The following CNTN5 variants were observed in gnomAD, a reference collection of about 807,000 sequenced individuals.
CNTN5 encodes the protein contactin 5.
CNTN5 carries 77 observed loss-of-function variants against 129.1 expected under a neutral mutation model. The ratio of observed to expected loss-of-function variants is 0.60; its 90% CI spans 0.50 to 0.72. The LOEUF (loss-of-function observed/expected upper bound fraction) is 0.72. Among genes scored for constraint, CNTN5 ranks in the 30% least tolerant of loss-of-function variants. CNTN5 has a pLI of 0.00. For missense variants in CNTN5, 1,478 were observed against 1,328.8 expected (o/e 1.11, Z -1.75); for synonymous variants, 509 against 465.6 (o/e 1.09, Z -1.20).
At chr11:100,213,182 C>G (rs1169919356) in intron 15 of CNTN5, among the ~76,000 whole-genome samples, 3 of 152,062 alleles carry the variant, frequency 2.0e-5, no homozygotes, top group Non-Finnish European at 4.4e-5. Context: ...CCAAATTTCA[C>G]ATACAATGAA....
chr11:100,212,890 T>A (rs1178615935), intron 15 of CNTN5, among the ~76,000 whole-genome samples: 1 of 152,120 alleles, frequency 6.6e-6, no homozygotes, highest in Non-Finnish European at 1.5e-5. Context: ...CTCATAAATA[T>A]TGCAAACTTT....
intron 21 of CNTN5, among the ~76,000 whole-genome samples, chr11:100,322,301 C>A (rs1951711655): frequency 6.6e-6 from 1 of 152,000 alleles, no homozygotes; most frequent in Admixed American, 6.5e-5. Flanking sequence ...CAGCTCACTG[C>A]AAGCTCCGCC....
At chr11:99,719,409 T>C (rs760940312) in intron 3 of CNTN5, among the ~76,000 whole-genome samples, 1 of 152,080 alleles carries the variant, frequency 6.6e-6, no homozygotes, top group Non-Finnish European at 1.5e-5. Context: ...GATATATGTG[T>C]AAAAATGTTT....
chr11:99,896,268 C>T (rs1463342439), intron 6 of CNTN5, among the ~76,000 whole-genome samples: 1 of 152,176 alleles, frequency 6.6e-6, no homozygotes, highest in Non-Finnish European at 1.5e-5. Context: ...CCTTTCGGCC[C>T]ATAACACACT....
Position 99,624,592 on chromosome 11 carries a change from A to G in CNTN5, c.55+68323A>G, listed in dbSNP as rs772014787. ...CCAGAACAAGTTTTTGCTTTAGTCA[A>G]TTTAGTTGACTAAAGTTCATTTTAG... On this transcript the variant is annotated intron_variant, in intron 3 of 24. Transcript: ENST00000524871. Among the ~76,000 whole-genome samples, 3 of 152,140 alleles carry G rather than the reference A, an allele frequency of 2.0e-5. No homozygotes were observed. The South Asian group carries it at 6.2e-4, about 32-fold the overall frequency.
At chr11:99,859,545 C>G (rs535273516) in intron 6 of CNTN5, among the ~76,000 whole-genome samples, 3 of 152,132 alleles carry the variant, frequency 2.0e-5, no homozygotes, top group African/African-American at 4.8e-5. Flanking sequence ...TTTTTGCCCT[C>G]TTTGTATCCA....
At chr11:99,853,988 A>G (rs542213353) in intron 6 of CNTN5, among the ~76,000 whole-genome samples, 6 of 152,152 alleles carry the variant, frequency 3.9e-5, no homozygotes, top group Non-Finnish European at 8.8e-5. Context: ...CATACTTTGC[A>G]TTACATTTTT....
intron 9 of CNTN5, among the ~76,000 whole-genome samples, chr11:100,039,999 C>T (rs1040014320): frequency 3.3e-5 from 5 of 152,178 alleles, no homozygotes; most frequent in East Asian, 1.9e-4. Context: ...CAGCTTTGTT[C>T]TGTTGCTGGT....
chr11:99,300,018 T>C (rs1040299943), intron 1 of CNTN5, among the ~76,000 whole-genome samples: 1 of 152,198 alleles, frequency 6.6e-6, no homozygotes, highest in Non-Finnish European at 1.5e-5. Flanking sequence ...ACCAACAGTG[T>C]ATAAGCATTG....
At chr11:100,268,418 G>A (rs921288897) in intron 17 of CNTN5, among the ~76,000 whole-genome samples, 1 of 152,112 alleles carries the variant, frequency 6.6e-6, no homozygotes, top group Admixed American at 6.6e-5. Flanking sequence ...AAGAGAACCA[G>A]CCAAAGGCGG....
intron 1 of CNTN5, among the ~76,000 whole-genome samples, chr11:99,147,340 T>C (rs117994852): frequency 0.048 from 7,261 of 152,272 alleles, 194 homozygotes; most frequent in Middle Eastern, 0.065. Context: ...TTTACAATTC[T>C]AATGTTAATT....
At chr11:100,280,145 A>C (rs1380845622) in intron 18 of CNTN5, among the ~76,000 whole-genome samples, 4 of 151,852 alleles carry the variant, frequency 2.6e-5, no homozygotes, top group Non-Finnish European at 5.9e-5. Context: ...TGAGGAAAAG[A>C]ATGTGTATTC....
intron 6 of CNTN5, among the ~76,000 whole-genome samples, chr11:99,882,954 G>A (rs1948810111): frequency 6.6e-6 from 1 of 152,074 alleles, no homozygotes; most frequent in South Asian, 2.1e-4. Context: ...CTACAAATAA[G>A]TGAGAGCACA....
intron 13 of CNTN5, among the ~76,000 whole-genome samples, chr11:100,110,239 T>C (rs1442208115): frequency 1.5e-5 from 2 of 129,508 alleles, no homozygotes; most frequent in African/African-American, 3.1e-5. Context: ...ATAAGCAAAA[T>C]AGAATTTTCT....
intron 17 of CNTN5, among the ~76,000 whole-genome samples, chr11:100,266,530 A>G (rs1315511904): frequency 2.0e-5 from 3 of 152,034 alleles, no homozygotes; most frequent in Non-Finnish European, 4.4e-5. Flanking sequence ...ACTTTCTTTC[A>G]TATTGCATTA....
chr11:100,337,179 C>T (rs766562127), intron 21 of CNTN5: 11 of 1,494,400 alleles, frequency 7.4e-6, no homozygotes, highest in Middle Eastern at 4.8e-4. Flanking sequence ...AGTGGGTTGA[C>T]ACAGATGACA....
intron 2 of CNTN5, among the ~76,000 whole-genome samples, chr11:99,426,684 C>G (rs1943136069): frequency 6.6e-6 from 1 of 152,110 alleles, no homozygotes; most frequent in African/African-American, 2.4e-5. Flanking sequence ...AAAATTAGCC[C>G]TTACAGTCTC....
chr11:99,811,042 A>T lies in CNTN5; in HGVS notation c.56-8502A>T, dbSNP rs1249040690. Among the ~76,000 whole-genome samples, 7 of 152,154 alleles carry T rather than the reference A, an allele frequency of 4.6e-5. No homozygotes were observed. The East Asian group carries it at 1.3e-3, about 29-fold the overall frequency. ...TTTTTACACAAGAGCCTAAACAGAC[A>T]TTTAAAATCAAACTTCAAAAGTAGG... is the stretch of plus-strand genomic sequence containing the variant. On this transcript the variant is annotated intron_variant, in intron 3 of 24. Transcript: ENST00000524871.
intron 10 of CNTN5, among the ~76,000 whole-genome samples, chr11:100,062,449 C>G (rs999645449): frequency 6.6e-6 from 1 of 152,188 alleles, no homozygotes; most frequent in African/African-American, 2.4e-5. Flanking sequence ...CACATTTTAT[C>G]CATTCATTCA....
Sources: gnomAD v4.1 joint callset for allele counts (sites outside exome capture counted in the v4.1 genomes callset) on GRCh38, gnomAD v4.1.1 for gene constraint, MANE v1.5 for transcripts, NCBI Gene and HGNC (gene_info 2026-07-23, HGNC 2026-07-21) for gene names.